The following COL24A1 variants were observed in gnomAD, a reference collection of about 807,000 sequenced individuals.
COL24A1 encodes collagen type XXIV alpha 1 chain.
Under a neutral mutation model 253.9 loss-of-function variants are expected in COL24A1, and 224 were observed. The observed-to-expected ratio is 0.88, with a 90% confidence interval of 0.79 to 0.99. COL24A1 has a LOEUF of 0.99. Ranked by LOEUF, COL24A1 falls within the 50% of genes least tolerant of loss-of-function variation. The pLI is 0.00. For missense variants in COL24A1, 2,131 were observed against 2,068.5 expected (o/e 1.03, Z -0.59); for synonymous variants, 685 against 673.7 (o/e 1.02, Z -0.26).
chr1:86,066,775 G>A (rs904576306), intron 7 of COL24A1, among the ~76,000 whole-genome samples: 13 of 152,074 alleles, frequency 8.5e-5, no homozygotes, highest in Non-Finnish European at 4.4e-5. Context: ...GTGAATACTG[G>A]AATCTATCAG....
chr1:85,893,228 T>G (rs1473815109), intron 31 of COL24A1, among the ~76,000 whole-genome samples: 1 of 152,040 alleles, frequency 6.6e-6, no homozygotes, highest in South Asian at 2.1e-4. Context: ...TCAGATAACA[T>G]ATACTTCACA....
At chr1:85,802,110 T>C (rs1032737993) in intron 47 of COL24A1, among the ~76,000 whole-genome samples, 2 of 152,182 alleles carry the variant, frequency 1.3e-5, no homozygotes, top group Non-Finnish European at 2.9e-5. Flanking sequence ...TTATTAGTCT[T>C]CTGCATCTTG....
intron 5 of COL24A1, among the ~76,000 whole-genome samples, chr1:86,100,032 G>C (rs936717332): frequency 2.0e-5 from 3 of 151,996 alleles, no homozygotes; most frequent in Non-Finnish European, 4.4e-5. Flanking sequence ...ACATGCACAC[G>C]TATGTTTATT....
intron 6 of COL24A1, 36 bp from the exon 7 acceptor site, chr1:86,089,263 GA>G: frequency 6.6e-7 from 1 of 1,505,842 alleles, no homozygotes; most frequent in Non-Finnish European, 9.0e-7. Flanking sequence ...TGTCATGAAA[GA>G]GAACTGAAAA....
chr1:86,112,524 G>A (rs959294343), intron 5 of COL24A1, 43 bp downstream of exon 5: 4 of 1,551,072 alleles, frequency 2.6e-6, no homozygotes, highest in Non-Finnish European at 2.7e-6. Context: ...GGAAAATCAG[G>A]TGATACTCAT....
At chr1:85,827,638 C>T (rs1427452863) in intron 43 of COL24A1, among the ~76,000 whole-genome samples, 5 of 152,046 alleles carry the variant, frequency 3.3e-5, no homozygotes, top group African/African-American at 4.8e-5. Context: ...CAACTTCTTC[C>T]TGGTTTAGTC....
intron 20 of COL24A1, among the ~76,000 whole-genome samples, chr1:85,984,410 T>A (rs1472294520): frequency 6.6e-6 from 1 of 151,854 alleles, no homozygotes; most frequent in Non-Finnish European, 1.5e-5. Flanking sequence ...TAATTATGAT[T>A]ATTTTTTATC....
In COL24A1 at chr1:85,938,812, G is replaced by C. The variant is rs544813076; in HGVS notation, c.2562+22437C>G. On this transcript the variant is annotated intron_variant, in intron 24 of 59. Coordinates refer to ENST00000370571, the MANE Select transcript of COL24A1 (RefSeq NM_152890.7). ...CCAGGTTGGTCCATATACAGTGACT[G>C]CTTGGAGTAAACTATAAAAGCCCAG... Among the ~76,000 whole-genome samples, 12 of 118,236 alleles carry C rather than the reference G, an allele frequency of 1.0e-4. 2 individuals carry two copies. In the South Asian group the frequency reaches 4.4e-3, roughly 43 times the overall value. The allele number at this position is 118,236 out of a possible 152,430, so 77.6% of individuals were successfully genotyped here. A position where few individuals can be genotyped will look rare whatever the true frequency, so the allele number is the denominator to read the frequency against.
chr1:85,835,418 C>T (rs1675892374), intron 43 of COL24A1, among the ~76,000 whole-genome samples: 1 of 152,182 alleles, frequency 6.6e-6, no homozygotes, highest in Non-Finnish European at 1.5e-5. Context: ...GTGTGAGCCA[C>T]TGCACCCGGC....
intron 33 of COL24A1, among the ~76,000 whole-genome samples, chr1:85,875,725 ACACACACACACACACACACAC>A (rs1246143026): frequency 9.4e-5 from 5 of 52,932 alleles, no homozygotes; most frequent in Non-Finnish European, 2.7e-4. Context: ...AGACACACAC[ACACACACACACACACACACAC>A]ACACACACAC....
At chr1:85,921,553 C>T (rs142739092) in intron 24 of COL24A1, among the ~76,000 whole-genome samples, 6,436 of 152,282 alleles carry the variant, frequency 0.042, 223 homozygotes, top group African/African-American at 0.09. Context: ...GGACCTCCAG[C>T]AAACTCCAAC....
intron 35 of COL24A1, among the ~76,000 whole-genome samples, chr1:85,872,666 A>T (rs1680664033): frequency 6.6e-6 from 1 of 152,242 alleles, no homozygotes; most frequent in South Asian, 2.1e-4. Context: ...TCCCTTTCTT[A>T]CACCTTATAC....
chr1:86,097,525 TCC>T lies in COL24A1; in HGVS notation c.1600-5207_1600-5206del, dbSNP rs1210403863. ...CCTTCTCCTCCTCCCTCCTCCTCCC[TCC>T]TCCCTCCTCCTCCCTCCTCCCTCCT... On this transcript the variant is annotated intron_variant, in intron 5 of 59. Coordinates refer to ENST00000370571, the MANE Select transcript of COL24A1 (RefSeq NM_152890.7). Among the ~76,000 whole-genome samples the T allele has an allele frequency of 6.1e-3, 35 of 5,720 alleles. 2 individuals carry two copies. The highest frequency in any genetic ancestry group is 0.057 in the East Asian group (15 of 264). The allele number at this position is 5,720 out of a possible 152,430, so 3.8% of individuals were successfully genotyped here.
At chr1:86,022,157 C>G in intron 18 of COL24A1, 83 bp downstream of exon 18, 1 of 1,185,844 alleles carries the variant, frequency 8.4e-7, no homozygotes, top group Non-Finnish European at 1.3e-6. Context: ...GGCTTATACC[C>G]TACTTAGATC....
chr1:85,880,146 C>G (rs567826077), intron 32 of COL24A1, among the ~76,000 whole-genome samples: 1 of 152,172 alleles, frequency 6.6e-6, no homozygotes, highest in African/African-American at 2.4e-5. Context: ...GTCTTTCTAC[C>G]CATAACCATG....
intron 28 of COL24A1, among the ~76,000 whole-genome samples, chr1:85,897,001 T>G (rs1217874457): frequency 6.6e-6 from 1 of 152,212 alleles, no homozygotes; most frequent in Non-Finnish European, 1.5e-5. Context: ...GTTCACTTTA[T>G]AATTTACTCA....
At chr1:85,904,830 C>T (rs1048444021) in intron 28 of COL24A1, among the ~76,000 whole-genome samples, 2 of 152,104 alleles carry the variant, frequency 1.3e-5, no homozygotes, top group African/African-American at 4.8e-5. Flanking sequence ...AGCCATCAGA[C>T]TGTAAAATCT....
chr1:85,934,871 T>C (rs996862502), intron 24 of COL24A1, among the ~76,000 whole-genome samples: 12 of 152,058 alleles, frequency 7.9e-5, no homozygotes, highest in Non-Finnish European at 2.9e-5. Flanking sequence ...CACTGAGCCA[T>C]AGCCAGAATT....
chr1:86,139,499 C>T (rs1193047564), intron 2 of COL24A1, among the ~76,000 whole-genome samples: 1 of 152,050 alleles, frequency 6.6e-6, no homozygotes, highest in Non-Finnish European at 1.5e-5. Context: ...ATGTTTACTA[C>T]CTCAAAATGG....
Sources: allele counts gnomAD v4.1 joint callset (sites outside exome capture counted in the v4.1 genomes callset), GRCh38; gene constraint gnomAD v4.1.1; transcripts MANE v1.5; gene names NCBI Gene and HGNC (gene_info 2026-07-23, HGNC 2026-07-21).